The following ADAMTSL3 variants were observed in gnomAD, a reference collection of about 807,000 sequenced individuals.
ADAMTSL3 encodes ADAMTS-like protein 3.
A neutral mutation model predicts 201.7 loss-of-function variants in ADAMTSL3; 128 were observed. The observed-to-expected ratio is 0.63, with a 90% CI of 0.55 to 0.73. The LOEUF is 0.73. Ranked by LOEUF, ADAMTSL3 falls within the 30% of genes least tolerant of loss-of-function variation. ADAMTSL3 has a pLI of 0.00. For missense variants in ADAMTSL3, 1,990 were observed against 2,119.6 expected (o/e 0.94, Z 1.20); for synonymous variants, 738 against 748.4 (o/e 0.99, Z 0.23).
At chr15:83,907,602 C>T (rs1344664842) in intron 15 of ADAMTSL3, among the ~76,000 whole-genome samples, 1 of 152,148 alleles carries the variant, frequency 6.6e-6, no homozygotes, top group African/African-American at 2.4e-5. Context: ...CAGCGTTTCA[C>T]CATGTTGGCC....
At chr15:83,917,963 C>A (rs2066069791) in intron 16 of ADAMTSL3, among the ~76,000 whole-genome samples, 1 of 152,096 alleles carries the variant, frequency 6.6e-6, no homozygotes, top group African/African-American at 2.4e-5. Flanking sequence ...AATAATAGAG[C>A]ATTCCTCTTA....
intron 19 of ADAMTSL3, among the ~76,000 whole-genome samples, chr15:83,948,738 T>G (rs2066704338): frequency 6.6e-6 from 1 of 152,130 alleles, no homozygotes; most frequent in Non-Finnish European, 1.5e-5. Flanking sequence ...TTTCTGTGAA[T>G]AAAAGACCAG....
chr15:83,839,403 G>T (rs1361076292), intron 7 of ADAMTSL3, among the ~76,000 whole-genome samples: 1 of 152,170 alleles, frequency 6.6e-6, no homozygotes, highest in Non-Finnish European at 1.5e-5. Flanking sequence ...TAGGGTAGAA[G>T]ATAAGACAGA....
chr15:83,773,156 A>G (rs551524022), intron 3 of ADAMTSL3, among the ~76,000 whole-genome samples: 2 of 152,188 alleles, frequency 1.3e-5, no homozygotes, highest in Admixed American at 1.3e-4. Context: ...AGCTTAGAAG[A>G]TGACTCTGGA....
At chr15:83,667,006 CA>C (rs1319683740) in intron 2 of ADAMTSL3, among the ~76,000 whole-genome samples, 2 of 151,796 alleles carry the variant, frequency 1.3e-5, no homozygotes, top group East Asian at 3.9e-4. Flanking sequence ...TTGTCATTTA[CA>C]TTTTATTTTT....
chr15:83,678,369 G>A (rs545774292), intron 2 of ADAMTSL3, among the ~76,000 whole-genome samples: 1 of 151,782 alleles, frequency 6.6e-6, no homozygotes, highest in African/African-American at 2.4e-5. Flanking sequence ...ATTTGAGAAT[G>A]TCTTGATTCC....
intron 3 of ADAMTSL3, among the ~76,000 whole-genome samples, chr15:83,770,310 A>G (rs1027344654): frequency 1.6e-4 from 24 of 152,218 alleles, no homozygotes; most frequent in African/African-American, 5.8e-4. Context: ...ACAATTTATC[A>G]TATTCTGGGT....
At chr15:83,745,025 C>T (rs1167135645) in intron 3 of ADAMTSL3, among the ~76,000 whole-genome samples, 1 of 152,164 alleles carries the variant, frequency 6.6e-6, no homozygotes, top group Non-Finnish European at 1.5e-5. Context: ...CCAAAACCAC[C>T]CATGGCCTGC....
intron 27 of ADAMTSL3, among the ~76,000 whole-genome samples, chr15:84,027,993 A>G (rs1471661070): frequency 6.6e-6 from 1 of 152,190 alleles, no homozygotes; most frequent in Non-Finnish European, 1.5e-5. Flanking sequence ...GACAGATGCA[A>G]AGGACCACTC....
At chr15:83,795,421 C>A (rs2063409904) in intron 4 of ADAMTSL3, among the ~76,000 whole-genome samples, 2 of 152,234 alleles carry the variant, frequency 1.3e-5, no homozygotes, top group South Asian at 4.1e-4. Flanking sequence ...GGGATTTGAT[C>A]ATCTCAAAAA....
chr15:83,910,549 C>A (rs568765415), intron 15 of ADAMTSL3, among the ~76,000 whole-genome samples: 6 of 146,892 alleles, frequency 4.1e-5, no homozygotes, highest in African/African-American at 7.5e-5. Flanking sequence ...TTAAAAAGAT[C>A]GTTGAAAACC....
chr15:83,675,601 T>G (rs1252628445), intron 2 of ADAMTSL3, among the ~76,000 whole-genome samples: 1 of 150,954 alleles, frequency 6.6e-6, no homozygotes, highest in Non-Finnish European at 1.5e-5. Context: ...TTTTTTTTTT[T>G]GTCCTGTCAT....
intron 7 of ADAMTSL3, among the ~76,000 whole-genome samples, 175 bp downstream of exon 7, chr15:83,838,390 A>G (rs933791825): frequency 6.6e-6 from 1 of 152,194 alleles, no homozygotes; most frequent in Non-Finnish European, 1.5e-5. Context: ...TGTTCCCATT[A>G]TATCTTTGAA....
rs369101656 is a variant in ADAMTSL3 at position 83,798,824 on chromosome 15, AC to A, written c.318-5825del. 1.1e-3 allele frequency among the ~76,000 whole-genome samples: 162 copies of A among 146,330 alleles called. 10 individuals carry two copies. The highest frequency in any genetic ancestry group is 2.2e-3 in the African/African-American group (87 of 39,294). On this transcript the variant is annotated intron_variant, in intron 4 of 29. Transcript: ENST00000286744. ...TCCGTCTCAAAAAAAAAAAAAAAAA[AC>A]AAAAAAAAAGGACAATAACACCACT... is the stretch of plus-strand genomic sequence containing the variant.
chr15:83,674,674 C>CATATAT (rs1567063957), intron 2 of ADAMTSL3, among the ~76,000 whole-genome samples: 1 of 147,658 alleles, frequency 6.8e-6, no homozygotes, highest in Non-Finnish European at 1.5e-5. Context: ...TACATATATA[C>CATATAT]ACACATATAT....
intron 7 of ADAMTSL3, among the ~76,000 whole-genome samples, chr15:83,842,269 G>T (rs1425372027): frequency 6.6e-6 from 1 of 151,952 alleles, no homozygotes. Flanking sequence ...AAAGCGCTGC[G>T]ATACCGAAAG....
At chr15:83,921,068 C>T (rs965857084) in intron 16 of ADAMTSL3, among the ~76,000 whole-genome samples, 5 of 152,168 alleles carry the variant, frequency 3.3e-5, no homozygotes, top group African/African-American at 1.2e-4. Flanking sequence ...AGTTGTTCAT[C>T]GAGTCTGAAG....
intron 2 of ADAMTSL3, among the ~76,000 whole-genome samples, chr15:83,663,243 C>T (rs1029194097): frequency 3.9e-5 from 6 of 152,196 alleles, no homozygotes; most frequent in Admixed American, 6.5e-5. Context: ...AGCAGACCCA[C>T]GGTCTAAGCA....
At chr15:83,704,631 T>A in intron 3 of ADAMTSL3, 123 bp downstream of exon 3, 1 of 1,298,316 alleles carries the variant, frequency 7.7e-7, no homozygotes, top group Non-Finnish European at 1.1e-6. Context: ...CAACAGACCC[T>A]TGACACCCTT....
Sources: allele counts gnomAD v4.1 joint callset (sites outside exome capture counted in the v4.1 genomes callset), GRCh38; gene constraint gnomAD v4.1.1; transcripts MANE v1.5; gene names NCBI Gene and HGNC (gene_info 2026-07-23, HGNC 2026-07-21).